Variants in PRKCZ observed in about 807,000 individuals in gnomAD.
PRKCZ encodes the protein protein kinase C zeta type.
In PRKCZ, 33 loss-of-function variants were observed where a neutral mutation model predicts 79.5. The ratio of observed to expected loss-of-function variants is 0.41; its 90% CI spans 0.31 to 0.55. The LOEUF (loss-of-function observed/expected upper bound fraction) is 0.55, where lower values mean the gene tolerates loss of function less well. Ranked by LOEUF, PRKCZ falls within the 20% of genes least tolerant of loss-of-function variation. PRKCZ has a pLI of 0.19. For missense variants in PRKCZ, 578 were observed against 813.5 expected (o/e 0.71, Z 3.52); for synonymous variants, 342 against 320.9 (o/e 1.07, Z -0.70).
At chr1:2,095,805 C>T (rs1666374514) in intron 4 of PRKCZ, among the ~76,000 whole-genome samples, 1 of 143,266 alleles carries the variant, frequency 7.0e-6, no homozygotes, top group South Asian at 2.3e-4. Context: ...CTCCCCTCTC[C>T]TCCCTTCCCC....
chr1:2,062,134 A>G (rs1396712776), intron 4 of PRKCZ, among the ~76,000 whole-genome samples: 1 of 152,184 alleles, frequency 6.6e-6, no homozygotes, highest in Non-Finnish European at 1.5e-5. Flanking sequence ...GTGTGTCTAT[A>G]TGAGTGAATT....
intron 4 of PRKCZ, among the ~76,000 whole-genome samples, chr1:2,133,450 C>T: frequency 6.7e-6 from 1 of 149,812 alleles, no homozygotes. Flanking sequence ...GTGCGTCCTT[C>T]CCTCAGCTCT....
At chr1:2,171,298 C>T (rs889342652) in intron 11 of PRKCZ, among the ~76,000 whole-genome samples, 5 of 145,212 alleles carry the variant, frequency 3.4e-5, no homozygotes, top group East Asian at 4.2e-4. Flanking sequence ...GCCAAGATCG[C>T]GCCATTGCAC....
intron 16 of PRKCZ, among the ~76,000 whole-genome samples, chr1:2,175,728 A>T (rs2100420289): frequency 6.6e-6 from 1 of 151,714 alleles, no homozygotes; most frequent in South Asian, 2.1e-4. Context: ...GGAATGGGGG[A>T]CCACCCTCCA....
chr1:2,073,783 C>G (rs560810699), intron 4 of PRKCZ: 3 of 1,018,244 alleles, frequency 2.9e-6, no homozygotes, highest in Non-Finnish European at 3.5e-6. Flanking sequence ...ATCTGCTCCT[C>G]GCGCTCGAGC....
At chr1:2,110,474 G>GGGT (rs138692430) in intron 4 of PRKCZ, among the ~76,000 whole-genome samples, 35,521 of 152,122 alleles carry the variant, frequency 0.23, 4,769 homozygotes, top group Admixed American at 0.33. Flanking sequence ...GGGAAACAGA[G>GGGT]ACTCCTCTGG....
chr1:2,165,474 TG>T lies in PRKCZ; in HGVS notation c.975-4042del, dbSNP rs1683139590. ...AATGGCGAGAGCTGAACTTACTTCC[TG>T]GTGATGGGGTCAAGTGCGTTAACAC... is the stretch of plus-strand genomic sequence containing the variant. On this transcript the variant is annotated intron_variant, in intron 10 of 17. Transcript: ENST00000378567. The surrounding 1 kb of genome is among the most constrained non-coding windows in gnomAD (Gnocchi z 4.1). 6.6e-6 allele frequency among the ~76,000 whole-genome samples: 1 copy of T among 152,198 alleles called. No homozygotes were observed. The highest frequency in any genetic ancestry group is 6.5e-5 in the Admixed American group (1 of 15,282).
rs541150163 is a variant in PRKCZ at position 2,172,989 on chromosome 1, G to C, written c.1285+601G>C. Among the ~76,000 whole-genome samples, 4 of 152,294 alleles carry C rather than the reference G, an allele frequency of 2.6e-5. No individual in the cohort carries two copies. Among genetic ancestry groups the C allele is most frequent in the Non-Finnish European group, 5.9e-5 (4 of 68,028 alleles). On this transcript the variant is annotated intron_variant, in intron 13 of 17. Transcript: ENST00000378567. The surrounding 1 kb of genome is among the most constrained non-coding windows in gnomAD (Gnocchi z 7.8). ...GTGTGCGTGTGTGAAACGGGGACGTGGGCACGCGTGTGCAGCCCTGTGTGC... is the reference window on the plus strand; with the variant it reads ...GTGTGCGTGTGTGAAACGGGGACGTCGGCACGCGTGTGCAGCCCTGTGTGC...
chr1:2,068,619 G>A (rs937213242), intron 4 of PRKCZ, among the ~76,000 whole-genome samples: 2 of 152,226 alleles, frequency 1.3e-5, no homozygotes, highest in African/African-American at 4.8e-5. Flanking sequence ...TTCTGGAGTA[G>A]GACATGGACT....
Position 2,146,118 on chromosome 1 carries a change from G to C in PRKCZ, c.634+10G>C. On this transcript the variant is annotated intron_variant, in intron 7 of 17. Coordinates refer to ENST00000378567, the MANE Select transcript of PRKCZ (RefSeq NM_002744.6). ...GAGGAGACAGATGGAAGTAGGCGCT[G>C]CTTTCTTCCGGCCGGGTAGAGCCTG... 1.2e-6 allele frequency: 2 copies of C among 1,610,886 alleles called. No individual in the cohort carries two copies. Among genetic ancestry groups the C allele is most frequent in the Non-Finnish European group, 1.7e-6 (2 of 1,177,086 alleles).
intron 16 of PRKCZ, among the ~76,000 whole-genome samples, chr1:2,175,564 CACCCCCAACCCCTCCAACCCCTAT>C (rs1323071837): frequency 8.4e-6 from 1 of 119,646 alleles, no homozygotes; most frequent in Non-Finnish European, 1.9e-5. Flanking sequence ...CCAACCCCTA[CACCCCCAACCCCTCCAACCCCTAT>C]AATCTGGTGG....
chr1:2,107,936 G>A lies in PRKCZ; in HGVS notation c.335-27326G>A, dbSNP rs78532463. ...TCGGGAGCCCCCCAACCCCGGCAGT[G>A]TCAAGGGAGCCCCTGGCAGTGTCAA... On this transcript the variant is annotated intron_variant, in intron 4 of 17. Coordinates refer to ENST00000378567, the MANE Select transcript of PRKCZ (RefSeq NM_002744.6). 0.011 allele frequency among the ~76,000 whole-genome samples: 1,714 copies of A among 150,140 alleles called. 59 individuals are homozygous for A. The East Asian group carries it at 0.13, about 11-fold the overall frequency.
At chr1:2,062,280 C>T (rs904507295) in intron 4 of PRKCZ, among the ~76,000 whole-genome samples, 2 of 152,160 alleles carry the variant, frequency 1.3e-5, no homozygotes, top group African/African-American at 4.8e-5. Context: ...CCAGCCCCAC[C>T]TCCGCTCAGC....
chr1:2,102,884 T>C lies in PRKCZ; in HGVS notation c.335-32378T>C, dbSNP rs556181149. Among the ~76,000 whole-genome samples the C allele has an allele frequency of 1.2e-4, 18 of 152,212 alleles. No homozygotes were observed. The South Asian group carries it at 3.5e-3, about 30-fold the overall frequency. On this transcript the variant is annotated intron_variant, in intron 4 of 17. Coordinates refer to ENST00000378567, the MANE Select transcript of PRKCZ (RefSeq NM_002744.6). Reference sequence around the variant, plus strand: ...TTATATTCTGGCCCCTCCCCCCGTCTGTCTCTCTCTCAAGAGACAGGGTCT... The same window carrying C: ...TTATATTCTGGCCCCTCCCCCCGTCCGTCTCTCTCTCAAGAGACAGGGTCT...
At chr1:2,169,112 C>T in intron 10 of PRKCZ, 1 of 456,828 alleles carries the variant, frequency 2.2e-6, no homozygotes, top group South Asian at 1.5e-5. Context: ...CCACCCGTGA[C>T]CTGCGGTGCT....
chr1:2,162,795 T>C (rs766821152), intron 10 of PRKCZ, among the ~76,000 whole-genome samples: 8 of 152,228 alleles, frequency 5.3e-5, no homozygotes, highest in Non-Finnish European at 1.2e-4. Context: ...GTTTCTGTTA[T>C]AAACGAGGTA....
At chr1:2,092,267 G>T (rs533107359) in intron 4 of PRKCZ, among the ~76,000 whole-genome samples, 85 of 151,862 alleles carry the variant, frequency 5.6e-4, no homozygotes, top group Middle Eastern at 6.8e-3. Flanking sequence ...CGGGAACCCT[G>T]CCCCCTCTGT....
chr1:2,149,734 G>C lies in PRKCZ; in HGVS notation c.687+810G>C, dbSNP rs575007769. 2.0e-5 allele frequency among the ~76,000 whole-genome samples: 3 copies of C among 152,204 alleles called. No homozygotes were observed. Among genetic ancestry groups the C allele is most frequent in the Non-Finnish European group, 4.4e-5 (3 of 68,036 alleles). On this transcript the variant is annotated intron_variant, in intron 8 of 17. Coordinates refer to ENST00000378567, the MANE Select transcript of PRKCZ (RefSeq NM_002744.6). The surrounding 1 kb of genome is among the most constrained non-coding windows in gnomAD (Gnocchi z 4.1). ...TAATTAGCTGGGCATGGTGGCACGGGCCTGTGGTCCTAGCTGCTTGGGAGG... is the reference window on the plus strand; with the variant it reads ...TAATTAGCTGGGCATGGTGGCACGGCCCTGTGGTCCTAGCTGCTTGGGAGG...
At chr1:2,054,625 G>A (rs998720633) in intron 1 of PRKCZ, among the ~76,000 whole-genome samples, 1 of 151,878 alleles carries the variant, frequency 6.6e-6, no homozygotes, top group African/African-American at 2.4e-5. Context: ...CGGACCCAGT[G>A]CCCACTCCGG....
Sources: allele counts gnomAD v4.1 joint callset (sites outside exome capture counted in the v4.1 genomes callset), GRCh38; gene constraint gnomAD v4.1.1; non-coding constraint Gnocchi (gnomAD v3.1); transcripts MANE v1.5; gene names NCBI Gene and HGNC (gene_info 2026-07-23, HGNC 2026-07-21).